Variants in VPS50 observed in about 807,000 individuals in gnomAD.
VPS50 encodes the protein VPS50 subunit of EARP/GARPII complex.
VPS50 carries 70 observed loss-of-function variants against 139.7 expected under a neutral mutation model. The observed-to-expected ratio is 0.50, with a 90% CI of 0.41 to 0.61. The LOEUF is 0.61. VPS50 is among the 20% of genes least tolerant of loss of function. VPS50 has a pLI of 0.00. For synonymous variants in VPS50, 365 were observed against 376.7 expected (o/e 0.97, Z 0.36); for missense variants, 921 against 1,133.7 (o/e 0.81, Z 2.69).
rs1202687211 is a variant in VPS50 at position 93,349,942 on chromosome 7, A to G, written c.2372A>G (p.Tyr791Cys). 6.2e-7 allele frequency: 1 copy of G among 1,613,220 alleles called. No homozygotes were observed. The highest frequency in any genetic ancestry group is 8.5e-7 in the Non-Finnish European group (1 of 1,179,354). ...ATTGTAGCTGGTAAAGCCCTTGATT[A>G]TGAACAGATGCTGCTTCTCATGGCT... is the stretch of plus-strand genomic sequence containing the variant. ...YWIVAGKALD[Y>C]EQMLLLMANV... Residue 791 changes from tyrosine (Y) to cysteine (C), a missense_variant, in exon 25 of 28, where the codon TAT becomes TGT. Tyr to Cys is a radical substitution (Grantham distance 194). Coordinates refer to ENST00000305866, the MANE Select transcript of VPS50 (RefSeq NM_017667.4).
chr7:93,336,029 T>G (rs1171778510), intron 22 of VPS50, among the ~76,000 whole-genome samples: 1 of 152,244 alleles, frequency 6.6e-6, no homozygotes, highest in Non-Finnish European at 1.5e-5. Context: ...TGGTATGTAT[T>G]AATTTTCTTC....
chr7:93,336,775 G>C (rs1798079880), intron 22 of VPS50, among the ~76,000 whole-genome samples: 1 of 152,222 alleles, frequency 6.6e-6, no homozygotes, highest in Admixed American at 6.5e-5. Context: ...GCCTCCCAAA[G>C]TGCTGGGATT....
intron 9 of VPS50, among the ~76,000 whole-genome samples, chr7:93,269,384 G>GTA (rs1795938828): frequency 6.6e-6 from 1 of 151,882 alleles, no homozygotes; most frequent in Non-Finnish European, 1.5e-5. Context: ...TTCTAATAAG[G>GTA]TATCAGTCCT....
intron 4 of VPS50, among the ~76,000 whole-genome samples, chr7:93,255,497 C>G (rs1283642966): frequency 1.3e-5 from 2 of 152,186 alleles, no homozygotes; most frequent in African/African-American, 4.8e-5. Context: ...GCTGTGTAGC[C>G]TGGTTCCCCA....
At chr7:93,259,666 G>C (rs768453681) in intron 9 of VPS50, 34 bp downstream of exon 9, 1 of 1,075,218 alleles carries the variant, frequency 9.3e-7, no homozygotes, top group East Asian at 2.4e-5. Context: ...AGCAGATTCT[G>C]TTGTCAGCTT....
At chr7:93,328,629 A>C (rs1236512834) in intron 21 of VPS50, among the ~76,000 whole-genome samples, 2 of 152,172 alleles carry the variant, frequency 1.3e-5, no homozygotes, top group Non-Finnish European at 2.9e-5. Flanking sequence ...TGCAGATGGG[A>C]GAAAGGGGAG....
chr7:93,284,967 A>G (rs1488627884), intron 12 of VPS50, among the ~76,000 whole-genome samples: 2 of 152,212 alleles, frequency 1.3e-5, no homozygotes, highest in African/African-American at 2.4e-5. Flanking sequence ...AATATTAGAT[A>G]CTGGCTCAGA....
At chr7:93,271,374 CA>C in intron 10 of VPS50, 112 bp downstream of exon 10, 1 of 1,322,228 alleles carries the variant, frequency 7.6e-7, no homozygotes, top group Non-Finnish European at 9.7e-7. Flanking sequence ...GTCTCTAGAT[CA>C]CTGTATTTCT....
intron 20 of VPS50, among the ~76,000 whole-genome samples, chr7:93,317,399 A>T (rs1166971862): frequency 6.6e-6 from 1 of 152,066 alleles, no homozygotes; most frequent in Non-Finnish European, 1.5e-5. Context: ...AAAATACAAA[A>T]GTTAGCCAGA....
chr7:93,293,908 G>C (rs1380613140), intron 13 of VPS50, among the ~76,000 whole-genome samples: 1 of 152,082 alleles, frequency 6.6e-6, no homozygotes, highest in African/African-American at 2.4e-5. Context: ...CCCAACCTAA[G>C]ACAAGATGAT....
At chr7:93,333,501 T>A (rs889219967) in intron 21 of VPS50, among the ~76,000 whole-genome samples, 1 of 152,178 alleles carries the variant, frequency 6.6e-6, no homozygotes, top group African/African-American at 2.4e-5. Context: ...TTTTCATCAA[T>A]GGAATCATCA....
chr7:93,257,512 A>C, intron 6 of VPS50, 48 bp downstream of exon 6: 1 of 998,028 alleles, frequency 1.0e-6, no homozygotes, highest in Non-Finnish European at 1.5e-6. Flanking sequence ...CAATATTTCA[A>C]GAATAACTAT....
intron 2 of VPS50, among the ~76,000 whole-genome samples, chr7:93,240,539 C>T (rs1225670810): frequency 6.6e-6 from 1 of 151,918 alleles, no homozygotes; most frequent in East Asian, 1.9e-4. Flanking sequence ...AGCTAGATTC[C>T]CCTTGGAATT....
intron 23 of VPS50, among the ~76,000 whole-genome samples, chr7:93,343,569 A>G (rs1372544157): frequency 6.6e-6 from 1 of 152,178 alleles, no homozygotes; most frequent in Non-Finnish European, 1.5e-5. Flanking sequence ...AAAAATGTTA[A>G]GGGCAGCCAG....
rs1796256403 is a variant in VPS50, at chr7:93,279,338, AGTT to A, written c.942+3037_942+3039del. On this transcript the variant is annotated intron_variant, in intron 12 of 27. Transcript: ENST00000305866. The stretch of plus-strand genomic sequence containing the variant: ...TTATTTATTACCTAGTTTGATGAAA[AGTT>A]GTTAACTTTTAGTAACTGAGTTCTA... Among the ~76,000 whole-genome samples the A allele has an allele frequency of 7.9e-5, 12 of 152,264 alleles. No individual in the cohort carries two copies. The South Asian group carries it at 2.5e-3, about 32-fold the overall frequency.
chr7:93,293,502 G>T lies in VPS50; in HGVS notation c.1076-1043G>T, dbSNP rs1369643744. 2.0e-5 allele frequency among the ~76,000 whole-genome samples: 3 copies of T among 152,090 alleles called. No homozygotes were observed. In the East Asian group the frequency reaches 5.8e-4, roughly 29 times the overall value. ...TTATGGATATTCAAGTGCTCAAGCT[G>T]TCAGCTGATAGTATCTAGGACTATA... On this transcript the variant is annotated intron_variant, in intron 13 of 27. Transcript: ENST00000305866.
intron 12 of VPS50, among the ~76,000 whole-genome samples, chr7:93,287,848 T>G (rs570007210): frequency 6.6e-6 from 1 of 152,256 alleles, no homozygotes; most frequent in African/African-American, 2.4e-5. Context: ...TAGTATTGGC[T>G]TTCGTCATAT....
chr7:93,320,430 T>A, intron 20 of VPS50: 2 of 152,212 alleles, frequency 1.3e-5, no homozygotes, highest in Non-Finnish European at 1.5e-5. Flanking sequence ...CTCCACTCAC[T>A]GCAAGCTCCG....
chr7:93,246,010 T>C, intron 2 of VPS50: 1 of 728,752 alleles, frequency 1.4e-6, no homozygotes, highest in South Asian at 1.6e-5. Flanking sequence ...TTTGTAATAC[T>C]GACTGAATAT....
Sources: allele counts gnomAD v4.1 joint callset (sites outside exome capture counted in the v4.1 genomes callset), GRCh38; gene constraint gnomAD v4.1.1; transcripts MANE v1.5; gene names NCBI Gene and HGNC (gene_info 2026-07-23, HGNC 2026-07-21).